Variants in COL5A2 observed in about 807,000 individuals in gnomAD.
COL5A2 encodes the protein collagen type V alpha 2 chain, also known as collagen alpha-2(V) chain.
Under a neutral mutation model 208.2 loss-of-function variants are expected in COL5A2, and 23 were observed. That is an observed-to-expected ratio of 0.11 (90% CI 0.08 to 0.16). The LOEUF is 0.16. Ranked by LOEUF, COL5A2 falls within the 10% of genes least tolerant of loss-of-function variation. COL5A2 has a pLI of 1.00. For synonymous variants in COL5A2, 625 were observed against 628.5 expected, an observed-to-expected ratio of 0.99 and a Z score of 0.08; for missense variants, 1,590 against 1,956.4, an observed-to-expected ratio of 0.81 and a Z score of 3.53.
chr2:189,202,631 G>T (rs1322547465), intron 1 of COL5A2, among the ~76,000 whole-genome samples: 1 of 152,054 alleles, frequency 6.6e-6, no homozygotes, highest in Admixed American at 6.6e-5. Context: ...AAGTGTGGAG[G>T]GTAAATTGAC....
the COL5A2 span, among the ~76,000 whole-genome samples, chr2:189,312,202 G>A: frequency 0.017 from 2,585 of 152,172 alleles, 76 homozygotes; most frequent in African/African-American, 0.059. Flanking sequence ...AGGTGCTCCC[G>A]GATTTTGCTC....
At chr2:189,406,037 G>C in the COL5A2 span, among the ~76,000 whole-genome samples, 1 of 152,110 alleles carries the variant, frequency 6.6e-6, no homozygotes. Flanking sequence ...TATATAGATA[G>C]CACCTATCAG....
chr2:189,054,292 A>G, intron 35 of COL5A2, 80 bp from the exon 36 acceptor site: 1 of 1,027,016 alleles, frequency 9.7e-7, no homozygotes, highest in Non-Finnish European at 1.5e-6. Flanking sequence ...ACAAACAAAA[A>G]AGAAACGACT....
intron 1 of COL5A2, among the ~76,000 whole-genome samples, chr2:189,196,997 C>G (rs571401326): frequency 3.3e-4 from 50 of 152,130 alleles, no homozygotes; most frequent in Admixed American, 8.5e-4. Context: ...CACATACACA[C>G]GTATATTTTT....
At chr2:189,414,863 T>C in the COL5A2 span, among the ~76,000 whole-genome samples, 1 of 152,172 alleles carries the variant, frequency 6.6e-6, no homozygotes, top group Non-Finnish European at 1.5e-5. Flanking sequence ...ACGTCTTTTC[T>C]TTAATTCTTA....
At chr2:189,404,265 C>G in the COL5A2 span, among the ~76,000 whole-genome samples, 3 of 151,918 alleles carry the variant, frequency 2.0e-5, no homozygotes, top group African/African-American at 7.3e-5. Flanking sequence ...GAAGATCTAC[C>G]CTCACCAATG....
chr2:189,145,923 A>G (rs1309854780), intron 1 of COL5A2, among the ~76,000 whole-genome samples: 3 of 152,114 alleles, frequency 2.0e-5, no homozygotes, highest in African/African-American at 7.2e-5. Flanking sequence ...TGCCATGTAC[A>G]TGAGTGAGGT....
chr2:189,053,850 A>T (rs1356860396), intron 37 of COL5A2, 45 bp downstream of exon 37: 2 of 1,473,004 alleles, frequency 1.4e-6, no homozygotes, highest in Non-Finnish European at 1.9e-6. Context: ...TAATTGTTTT[A>T]TTGCTCAATC....
rs747918979 is a variant in COL5A2, at chr2:189,066,371, T to C, written c.1563+19A>G. On this transcript the variant is annotated intron_variant, in intron 23 of 53. Transcript: ENST00000374866. ...ATTCCCTCACAACTGTAAGAATGTG[T>C]TGTATTATTTAAATTTACCCTTTCT... 6.3e-7 allele frequency: 1 copy of C among 1,581,664 alleles called. No homozygotes were observed. The highest frequency in any genetic ancestry group is 2.2e-5 in the East Asian group (1 of 44,710).
chr2:189,358,778 T>C, the COL5A2 span, among the ~76,000 whole-genome samples: 5 of 152,218 alleles, frequency 3.3e-5, no homozygotes, highest in Non-Finnish European at 5.9e-5. Context: ...TAGTTTTGTA[T>C]AAAGATCTTT....
At chr2:189,078,617 T>C (rs1304359115) in intron 15 of COL5A2, 48 bp from the exon 16 acceptor site, 4 of 1,460,396 alleles carry the variant, frequency 2.7e-6, no homozygotes, top group East Asian at 4.5e-5. Flanking sequence ...TAATTTGAAA[T>C]GTAGAGTAGT....
intron 51 of COL5A2, among the ~76,000 whole-genome samples, chr2:189,038,742 G>C (rs72902328): frequency 0.095 from 14,519 of 152,086 alleles, 720 homozygotes; most frequent in South Asian, 0.15. Context: ...CTGTCGCCCA[G>C]GCAGTGGCGC....
At chr2:189,053,568 G>T in intron 37 of COL5A2, 91 bp from the exon 38 acceptor site, 2 of 1,156,170 alleles carry the variant, frequency 1.7e-6, no homozygotes, top group Non-Finnish European at 2.6e-6. Context: ...CTGATAGTTA[G>T]ACATGTAAAT....
chr2:189,043,080 T>C (rs1449771115), intron 48 of COL5A2, 71 bp downstream of exon 48: 6 of 1,102,218 alleles, frequency 5.4e-6, no homozygotes, highest in Non-Finnish European at 8.2e-6. Flanking sequence ...TACAGACAGA[T>C]AAATGTTCGT....
the COL5A2 span, among the ~76,000 whole-genome samples, chr2:189,397,821 C>A: frequency 6.6e-6 from 1 of 151,418 alleles, no homozygotes. Context: ...CTATTCTTAT[C>A]CTCATTATTT....
In COL5A2 at chr2:189,158,874, A is replaced by T. The variant is rs115310335; in HGVS notation, c.97+20634T>A. Among the ~76,000 whole-genome samples the T allele has an allele frequency of 7.6e-3, 1,163 of 152,192 alleles. 12 individuals are homozygous for T. The highest frequency in any genetic ancestry group is 0.026 in the African/African-American group (1,075 of 41,518). ...ATATATCCTATTTCTTAGCCTAATT[A>T]TTTCAAGTGTTTATTTTGCAACTAA... On this transcript the variant is annotated intron_variant, in intron 1 of 53. Transcript: ENST00000374866.
intron 2 of COL5A2, among the ~76,000 whole-genome samples, chr2:189,106,332 T>C (rs1687148161): frequency 6.6e-6 from 1 of 151,440 alleles, no homozygotes; most frequent in African/African-American, 2.4e-5. Flanking sequence ...ACATTTTGTG[T>C]TAAGTTATCC....
the COL5A2 span, among the ~76,000 whole-genome samples, chr2:189,416,987 T>C: frequency 6.6e-6 from 1 of 152,174 alleles, no homozygotes; most frequent in Non-Finnish European, 1.5e-5. Flanking sequence ...TGTTCACTTA[T>C]TAATTTGTTT....
chr2:189,398,381 C>T, the COL5A2 span, among the ~76,000 whole-genome samples: 1 of 152,082 alleles, frequency 6.6e-6, no homozygotes, highest in South Asian at 2.1e-4. Flanking sequence ...AAGTCTTCCA[C>T]TTTAATTGTT....
Sources: gnomAD v4.1 joint callset for allele counts (sites outside exome capture counted in the v4.1 genomes callset) on GRCh38, gnomAD v4.1.1 for gene constraint, MANE v1.5 for transcripts, NCBI Gene and HGNC (gene_info 2026-07-23, HGNC 2026-07-21) for gene names.